Variants in NPR3 observed in about 807,000 individuals in gnomAD.
NPR3 encodes natriuretic peptide receptor 3, also known as atrial natriuretic peptide receptor 3.
In NPR3, 34 loss-of-function variants were observed where a neutral mutation model predicts 54.5. The observed-to-expected ratio is 0.62, with a 90% CI of 0.47 to 0.83. The LOEUF (loss-of-function observed/expected upper bound fraction) is 0.83, where lower values mean the gene tolerates loss of function less well. Ranked by LOEUF, NPR3 falls within the 40% of genes least tolerant of loss-of-function variation. NPR3 has a pLI of 0.00. For missense variants in NPR3, 674 were observed against 720.8 expected (o/e 0.94, Z 0.74); for synonymous variants, 289 against 297.1 (o/e 0.97, Z 0.28).
At chr5:32,730,242 G>A (rs1007525524) in intron 2 of NPR3, among the ~76,000 whole-genome samples, 1 of 151,718 alleles carries the variant, frequency 6.6e-6, no homozygotes, top group African/African-American at 2.4e-5. Context: ...TACAGAACAA[G>A]CTTTTAACAA....
intron 4 of NPR3, among the ~76,000 whole-genome samples, chr5:32,777,487 C>T (rs1579702319): frequency 6.6e-6 from 1 of 152,170 alleles, no homozygotes; most frequent in African/African-American, 2.4e-5. Context: ...CTGGGGTATG[C>T]CTATATCTAT....
At chr5:32,694,891 T>G (rs1229429949) in intron 1 of NPR3, among the ~76,000 whole-genome samples, 1 of 152,116 alleles carries the variant, frequency 6.6e-6, no homozygotes, top group Non-Finnish European at 1.5e-5. Context: ...CGTCATTCTA[T>G]TCTCTGTCTC....
chr5:32,787,191 T>G lies in NPR3; in HGVS notation c.*846T>G, dbSNP rs565687123. 5.7e-4 allele frequency: 87 copies of G among 152,734 alleles called. No individual in the cohort carries two copies. Among genetic ancestry groups the G allele is most frequent in the South Asian group, 4.1e-3 (20 of 4,832 alleles). The allele number at this position is 152,734 out of a possible 1,614,324, so 9.5% of individuals were successfully genotyped here. A position where few individuals can be genotyped will look rare whatever the true frequency, so the allele number is the denominator to read the frequency against. On this transcript the variant is annotated 3_prime_UTR_variant, in exon 8 of 8. Coordinates refer to ENST00000265074, the MANE Select transcript of NPR3 (RefSeq NM_001204375.2). ...ACAACAAACCAATAATGATAAAAAA[T>G]ACTTCTCTTTTTCTCCCTGTTTCCC... is the stretch of plus-strand genomic sequence containing the variant.
chr5:32,753,912 A>G (rs1264382728), intron 3 of NPR3, among the ~76,000 whole-genome samples: 1 of 152,158 alleles, frequency 6.6e-6, no homozygotes, highest in African/African-American at 2.4e-5. Flanking sequence ...ACTCCCTTGC[A>G]TGAAGTTTTG....
intron 5 of NPR3, 25 bp from the exon 6 acceptor site, chr5:32,782,868 C>CT (rs1217933779): frequency 6.3e-7 from 1 of 1,579,604 alleles, no homozygotes; most frequent in Non-Finnish European, 8.6e-7. Flanking sequence ...TTTGGTTTGT[C>CT]TATTTGTTTT....
At chr5:32,726,508 T>C (rs1002459817) in intron 2 of NPR3, among the ~76,000 whole-genome samples, 2 of 152,172 alleles carry the variant, frequency 1.3e-5, no homozygotes, top group African/African-American at 4.8e-5. Flanking sequence ...TACTATGGGC[T>C]GCAGGGTTGA....
Position 32,784,867 on chromosome 5 carries a change from G to A in NPR3, c.1498G>A (p.Ala500Thr). Reference sequence around the variant, plus strand: ...TTTACTAGGAGCTGGCTTGCTAATGGCCTTCTACTTTTTCAGGTGAGGACG... The same window carrying A: ...TTTACTAGGAGCTGGCTTGCTAATGACCTTCTACTTTTTCAGGTGAGGACG... ...GALLGAGLLM[A>T]FYFFRKKYRI... The change falls in exon 7 of 8, where the codon GCC becomes ACC. Residue 500 changes from alanine to threonine, a missense_variant. By Grantham distance (58) the Ala-to-Thr change is moderately conservative. Coordinates refer to ENST00000265074, the MANE Select transcript of NPR3 (RefSeq NM_001204375.2). The A allele has an allele frequency of 6.2e-7, 1 of 1,613,396 alleles. No individual in the cohort carries two copies. Among genetic ancestry groups the A allele is most frequent in the Non-Finnish European group, 8.5e-7 (1 of 1,179,438 alleles).
At chr5:32,736,113 C>T (rs2111935347) in intron 2 of NPR3, among the ~76,000 whole-genome samples, 2 of 151,494 alleles carry the variant, frequency 1.3e-5, no homozygotes, top group South Asian at 4.2e-4. Context: ...TGTCTGTAAC[C>T]CCAGCTACTC....
At chr5:32,706,730 T>C (rs541797204), upstream of NPR3, among the ~76,000 whole-genome samples, 1 of 152,354 alleles carries the variant, frequency 6.6e-6, no homozygotes, top group African/African-American at 2.4e-5. Flanking sequence ...TTTGGCTCCT[T>C]CTGACTTCTC....
intron 3 of NPR3, among the ~76,000 whole-genome samples, chr5:32,769,036 C>T (rs959989083): frequency 2.0e-5 from 3 of 152,130 alleles, no homozygotes; most frequent in South Asian, 2.1e-4. Flanking sequence ...GGCTAAAATA[C>T]GTCATCAAGT....
chr5:32,752,037 A>T (rs1055008810), intron 3 of NPR3, among the ~76,000 whole-genome samples: 1 of 152,178 alleles, frequency 6.6e-6, no homozygotes, highest in Middle Eastern at 3.4e-3. Context: ...CCCCGTCTCT[A>T]CTAAAAATAC....
chr5:32,765,456 T>C (rs1351181113), intron 3 of NPR3, among the ~76,000 whole-genome samples: 1 of 152,178 alleles, frequency 6.6e-6, no homozygotes, highest in Non-Finnish European at 1.5e-5. Flanking sequence ...GATGGCATGC[T>C]ATGGGCAGGC....
intron 3 of NPR3, among the ~76,000 whole-genome samples, chr5:32,760,546 G>A (rs1006801662): frequency 6.6e-6 from 1 of 151,906 alleles, no homozygotes; most frequent in Non-Finnish European, 1.5e-5. Context: ...TCTTTTTATT[G>A]TTGTTTGAAA....
chr5:32,783,031 A>G lies in NPR3; in HGVS notation c.1426+3A>G. ...AAACAGCTCTCCCTGCAAATCATGTAAGTCTGGAGACTTAATTTGCTATGT... is the reference window on the plus strand; with the variant it reads ...AAACAGCTCTCCCTGCAAATCATGTGAGTCTGGAGACTTAATTTGCTATGT... On this transcript the variant is annotated splice_donor_region_variant and intron_variant, in intron 6 of 7. Coordinates refer to ENST00000265074, the MANE Select transcript of NPR3 (RefSeq NM_001204375.2). 6.3e-7 allele frequency: 1 copy of G among 1,595,546 alleles called. No homozygotes were observed. Among genetic ancestry groups the G allele is most frequent in the Non-Finnish European group, 8.5e-7 (1 of 1,169,840 alleles).
chr5:32,784,949 A>G, intron 7 of NPR3, 66 bp downstream of exon 7: 1 of 1,263,014 alleles, frequency 7.9e-7, no homozygotes, highest in Non-Finnish European at 1.2e-6. Context: ...ATTTTACATG[A>G]TTCTCTTTGT....
intron 2 of NPR3, among the ~76,000 whole-genome samples, chr5:32,732,076 C>A (rs1350667395): frequency 6.6e-6 from 1 of 151,704 alleles, no homozygotes; most frequent in Non-Finnish European, 1.5e-5. Flanking sequence ...CCCGTCTCTA[C>A]TAAAAATACA....
rs116583699 is a variant in NPR3 at position 32,734,187 on chromosome 5, T to C, written c.893-4677T>C. On this transcript the variant is annotated intron_variant, in intron 2 of 7. Transcript: ENST00000265074. The stretch of plus-strand genomic sequence containing the variant: ...ATGGCAAGCATGTGACAGTGGGTCG[T>C]TTGGAGAGGGTGGGGGTAAGCCAAG... Among the ~76,000 whole-genome samples, 442 of 152,186 alleles carry C rather than the reference T, an allele frequency of 2.9e-3. 2 individuals are homozygous for C. The highest frequency in any genetic ancestry group is 0.01 in the African/African-American group (431 of 41,500).
In NPR3 at chr5:32,788,584, G is replaced by A. The variant is rs1742751938; in HGVS notation, c.*2239G>A. 1 of 152,166 alleles carries A rather than the reference G, an allele frequency of 6.6e-6. No individual in the cohort carries two copies. The highest frequency in any genetic ancestry group is 2.4e-5 in the African/African-American group (1 of 41,448). The allele number at this position is 152,166 out of a possible 1,614,324, so 9.4% of individuals were successfully genotyped here. A position where few individuals can be genotyped will look rare whatever the true frequency, so the allele number is the denominator to read the frequency against. ...GGGAAAAATAATCTACCTGGTTGCA[G>A]TCTTTGAGTATAAACATTTCTAACC... On this transcript the variant is annotated 3_prime_UTR_variant, in exon 8 of 8. Transcript: ENST00000265074.
chr5:32,710,590 A>T (rs1579580996), upstream of NPR3: 6 of 1,373,680 alleles, frequency 4.4e-6, no homozygotes, highest in Non-Finnish European at 4.7e-6. Context: ...GCCCAGGGGG[A>T]GGGGGCTGGC....
Sources: allele counts gnomAD v4.1 joint callset (sites outside exome capture counted in the v4.1 genomes callset), GRCh38; gene constraint gnomAD v4.1.1; transcripts MANE v1.5; gene names NCBI Gene and HGNC (gene_info 2026-07-23, HGNC 2026-07-21).